The following USP48 variants were observed in gnomAD, a reference collection of about 807,000 sequenced individuals.
USP48 encodes the protein ubiquitin specific peptidase 48.
A neutral mutation model predicts 150.7 loss-of-function variants in USP48; 43 were observed. The ratio of observed to expected loss-of-function variants is 0.29; its 90% CI spans 0.22 to 0.37. The LOEUF is 0.37. Among genes scored for constraint, USP48 ranks in the 10% least tolerant of loss-of-function variants. The probability of loss-of-function intolerance (pLI) is 1.00; values close to 1 mark genes in which losing one functional copy is unlikely to be tolerated. For missense variants in USP48, 813 were observed against 1,249.6 expected (o/e 0.65, Z 5.27); for synonymous variants, 396 against 425.9 (o/e 0.93, Z 0.86).
intron 9 of USP48, among the ~76,000 whole-genome samples, chr1:21,734,141 G>A (rs1022111087): frequency 2.0e-5 from 3 of 152,218 alleles, no homozygotes; most frequent in African/African-American, 7.2e-5. Context: ...GCTCATGTCT[G>A]TAATGCCAAC....
chr1:21,732,966 C>CT (rs1243554971), intron 9 of USP48: 10 of 158,142 alleles, frequency 6.3e-5, no homozygotes, highest in Non-Finnish European at 9.8e-5. Context: ...AGTTGTTCAA[C>CT]TTTTTTTGTT....
chr1:21,782,227 C>T (rs2097916420), intron 1 of USP48, among the ~76,000 whole-genome samples: 1 of 152,124 alleles, frequency 6.6e-6, no homozygotes, highest in Admixed American at 6.6e-5. Flanking sequence ...TCAAGGGCGG[C>T]GCAGACGTGA....
chr1:21,747,076 C>T lies in USP48; in HGVS notation c.982G>A (p.Glu328Lys). 1 of 1,608,872 alleles carries T rather than the reference C, an allele frequency of 6.2e-7. No homozygotes were observed. Among genetic ancestry groups the T allele is most frequent in the Non-Finnish European group, 8.5e-7 (1 of 1,177,882 alleles). Residue 328 changes from glutamate to lysine, a missense_variant, in exon 8 of 27, where the codon GAA (glutamate) becomes AAA (lysine). Transcript: ENST00000308271. ...SEILDMEPYV[E>K]HKGGSYVYEL... Reference sequence around the variant, plus strand: ...TCAGTAAAAATATTACCTTTATGTTCCACATAAGGCTCCATATCCAAAATT... The same window carrying T: ...TCAGTAAAAATATTACCTTTATGTTTCACATAAGGCTCCATATCCAAAATT...
chr1:21,780,396 G>C (rs1013595207), intron 1 of USP48, among the ~76,000 whole-genome samples: 4 of 152,108 alleles, frequency 2.6e-5, no homozygotes, highest in Non-Finnish European at 5.9e-5. Context: ...GCTGGGCGAG[G>C]GGGGAAAATG....
At chr1:21,700,189 T>C (rs1281311629) in intron 22 of USP48, among the ~76,000 whole-genome samples, 2 of 151,864 alleles carry the variant, frequency 1.3e-5, no homozygotes, top group African/African-American at 4.8e-5. Context: ...TCTCATCAAG[T>C]GTACAGATTT....
chr1:21,768,911 C>T (rs549557845), intron 1 of USP48, among the ~76,000 whole-genome samples: 5 of 152,172 alleles, frequency 3.3e-5, no homozygotes, highest in South Asian at 4.2e-4. Flanking sequence ...GTGATCCTCC[C>T]GTCTTTGCCT....
intron 4 of USP48, 30 bp from the exon 5 acceptor site, chr1:21,752,681 T>C (rs772916725): frequency 6.4e-7 from 1 of 1,569,192 alleles, no homozygotes; most frequent in Non-Finnish European, 8.6e-7. Flanking sequence ...AAAAGAAAAA[T>C]CATATCTTGC....
intron 15 of USP48, among the ~76,000 whole-genome samples, chr1:21,710,971 TTTTTA>T (rs1235555288): frequency 6.6e-6 from 1 of 152,136 alleles, no homozygotes; most frequent in Admixed American, 6.6e-5. Context: ...CTTTGCCTAA[TTTTTA>T]TTTTATTTTT....
At chr1:21,774,007 T>G (rs1478547303) in intron 1 of USP48, among the ~76,000 whole-genome samples, 1 of 151,938 alleles carries the variant, frequency 6.6e-6, no homozygotes, top group Non-Finnish European at 1.5e-5. Context: ...CTGGGTGTGG[T>G]GGCTCTACTA....
intron 1 of USP48, among the ~76,000 whole-genome samples, chr1:21,772,103 C>G (rs926069208): frequency 6.6e-6 from 1 of 151,946 alleles, no homozygotes; most frequent in Non-Finnish European, 1.5e-5. Context: ...ATCCATAAAT[C>G]AAATTAAATT....
intron 1 of USP48, among the ~76,000 whole-genome samples, chr1:21,759,872 G>T (rs2097845958): frequency 6.6e-6 from 1 of 152,216 alleles, no homozygotes; most frequent in Non-Finnish European, 1.5e-5. Flanking sequence ...CATCACGGAT[G>T]CTAACGTAGG....
At chr1:21,736,322 A>T in intron 9 of USP48, 124 bp downstream of exon 9, 1 of 1,019,506 alleles carries the variant, frequency 9.8e-7, no homozygotes. Flanking sequence ...ACATGTGTTT[A>T]AGAAATGCAA....
intron 1 of USP48, among the ~76,000 whole-genome samples, chr1:21,773,254 CAAAAAAAAAAAAA>C (rs60704662): frequency 1.5e-5 from 1 of 66,170 alleles, no homozygotes; most frequent in Admixed American, 1.7e-4. Context: ...GACTCGGTCT[CAAAAAAAAAAAAA>C]AAAAAAAGAA....
chr1:21,745,962 G>A (rs576243452), intron 8 of USP48, among the ~76,000 whole-genome samples: 1 of 152,242 alleles, frequency 6.6e-6, no homozygotes, highest in South Asian at 2.1e-4. Context: ...GTTCCACAGA[G>A]GTACAAATTT....
chr1:21,700,736 C>G (rs140210100), intron 22 of USP48, among the ~76,000 whole-genome samples: 2,868 of 152,314 alleles, frequency 0.019, 61 homozygotes, highest in African/African-American at 0.044. Flanking sequence ...TGAAACTTAT[C>G]TCCACCTACA....
At chr1:21,715,316 G>T in intron 15 of USP48, 73 bp downstream of exon 15, 1 of 1,214,226 alleles carries the variant, frequency 8.2e-7, no homozygotes, top group Non-Finnish European at 1.2e-6. Flanking sequence ...ATACTGGCAT[G>T]AAAGCCAGGC....
At chr1:21,760,436 C>T (rs1381327146) in intron 1 of USP48, among the ~76,000 whole-genome samples, 2 of 152,202 alleles carry the variant, frequency 1.3e-5, no homozygotes, top group Non-Finnish European at 2.9e-5. Flanking sequence ...AAAAGGTAGG[C>T]CGGGCACAGT....
intron 26 of USP48, among the ~76,000 whole-genome samples, chr1:21,679,884 G>C (rs2097560876): frequency 6.6e-6 from 1 of 151,924 alleles, no homozygotes; most frequent in Non-Finnish European, 1.5e-5. Flanking sequence ...AGTAGAGATG[G>C]GGTTTCACCA....
intron 8 of USP48, 116 bp downstream of exon 8, chr1:21,746,951 G>C: frequency 1.4e-6 from 1 of 734,066 alleles, no homozygotes; most frequent in Non-Finnish European, 2.1e-6. Context: ...GAGGTTCCCA[G>C]AGAGAGATTA....
Sources: gnomAD v4.1 joint callset for allele counts (sites outside exome capture counted in the v4.1 genomes callset) on GRCh38, gnomAD v4.1.1 for gene constraint, MANE v1.5 for transcripts, NCBI Gene and HGNC (gene_info 2026-07-23, HGNC 2026-07-21) for gene names.